Variants in GALNTL6 observed in about 807,000 individuals in gnomAD.
The protein encoded by GALNTL6 is polypeptide N-acetylgalactosaminyltransferase like 6, also known as polypeptide N-acetylgalactosaminyltransferase-like 6.
GALNTL6 carries 46 observed loss-of-function variants against 73.7 expected under a neutral mutation model. The ratio of observed to expected loss-of-function variants is 0.62; its 90% CI spans 0.49 to 0.80. GALNTL6 has a LOEUF of 0.80. Ranked by LOEUF, GALNTL6 falls within the 30% of genes least tolerant of loss-of-function variation. The pLI, the probability that GALNTL6 is intolerant of heterozygous loss-of-function variation, is 0.00. For missense variants in GALNTL6, 604 were observed against 755.0 expected (o/e 0.80, Z 2.34); for synonymous variants, 259 against 263.7 (o/e 0.98, Z 0.17).
intron 5 of GALNTL6, among the ~76,000 whole-genome samples, chr4:172,626,554 A>G (rs754548903): frequency 2.0e-5 from 3 of 152,058 alleles, no homozygotes; most frequent in Non-Finnish European, 2.9e-5. Flanking sequence ...GAAAAATTGC[A>G]TTAGTAGTTT....
intron 5 of GALNTL6, among the ~76,000 whole-genome samples, chr4:172,693,901 TC>T (rs1173365073): frequency 6.6e-6 from 1 of 152,218 alleles, no homozygotes. Flanking sequence ...TACTTTTTAT[TC>T]AGTTATAATG....
chr4:171,893,697 A>G (rs1736823977), intron 2 of GALNTL6, among the ~76,000 whole-genome samples: 1 of 152,222 alleles, frequency 6.6e-6, no homozygotes, highest in South Asian at 2.1e-4. Context: ...AAAATATTTA[A>G]GAACTCGTAA....
intron 5 of GALNTL6, among the ~76,000 whole-genome samples, chr4:172,728,103 G>A (rs1735932071): frequency 6.6e-6 from 1 of 152,062 alleles, no homozygotes; most frequent in African/African-American, 2.4e-5. Flanking sequence ...TAGTAGAGAT[G>A]GGGTTTCACT....
At chr4:172,348,102 G>A (rs1741812788) in intron 4 of GALNTL6, among the ~76,000 whole-genome samples, 1 of 152,090 alleles carries the variant, frequency 6.6e-6, no homozygotes, top group Non-Finnish European at 1.5e-5. Context: ...GACTAAAACT[G>A]ACTAATTAAA....
chr4:172,804,720 T>C (rs1297073154), intron 5 of GALNTL6, among the ~76,000 whole-genome samples: 2 of 152,218 alleles, frequency 1.3e-5, no homozygotes, highest in Admixed American at 6.5e-5. Context: ...GACTGCATTT[T>C]TCTGACATAA....
chr4:172,872,155 AC>A (rs1157951800), intron 7 of GALNTL6, among the ~76,000 whole-genome samples: 14 of 152,150 alleles, frequency 9.2e-5, no homozygotes, highest in African/African-American at 3.4e-4. Context: ...TGCTATAACA[AC>A]ACTGATTTTT....
intron 5 of GALNTL6, among the ~76,000 whole-genome samples, chr4:172,418,023 A>G (rs186106704): frequency 1.3e-5 from 2 of 152,158 alleles, no homozygotes; most frequent in Non-Finnish European, 2.9e-5. Context: ...ACTAAGCGTC[A>G]TTAATCCTTC....
intron 5 of GALNTL6, among the ~76,000 whole-genome samples, chr4:172,374,048 G>C (rs1430429322): frequency 6.6e-6 from 1 of 152,216 alleles, no homozygotes; most frequent in African/African-American, 2.4e-5. Context: ...TTCTGATCCA[G>C]AGAATCTTCG....
chr4:171,842,883 T>G (rs891929515), intron 2 of GALNTL6, among the ~76,000 whole-genome samples: 1 of 152,100 alleles, frequency 6.6e-6, no homozygotes, highest in African/African-American at 2.4e-5. Context: ...ACTTTCAATT[T>G]ATTTTCCACT....
intron 6 of GALNTL6, among the ~76,000 whole-genome samples, chr4:172,811,452 C>G (rs141903550): frequency 6.6e-6 from 1 of 152,106 alleles, no homozygotes; most frequent in Admixed American, 6.5e-5. Flanking sequence ...TCACTGAAAC[C>G]TTAATACTAA....
chr4:172,196,009 T>TG (rs971033013), intron 2 of GALNTL6, among the ~76,000 whole-genome samples: 2 of 129,484 alleles, frequency 1.5e-5, no homozygotes, highest in Non-Finnish European at 3.4e-5. Context: ...GAGCTGGGTT[T>TG]TTTTTTTTTT....
At chr4:172,298,660 G>T (rs941103731) in intron 3 of GALNTL6, among the ~76,000 whole-genome samples, 5 of 152,098 alleles carry the variant, frequency 3.3e-5, no homozygotes, top group African/African-American at 9.7e-5. Flanking sequence ...TTTATATGCT[G>T]GATTGCATTT....
At chr4:171,953,877 C>T (rs1738964269) in intron 2 of GALNTL6, among the ~76,000 whole-genome samples, 1 of 151,780 alleles carries the variant, frequency 6.6e-6, no homozygotes. Flanking sequence ...AGAAGAATAC[C>T]TCATTAACAA....
At chr4:171,843,841 T>C (rs571053125) in intron 2 of GALNTL6, among the ~76,000 whole-genome samples, 1 of 152,312 alleles carries the variant, frequency 6.6e-6, no homozygotes, top group African/African-American at 2.4e-5. Flanking sequence ...TATTTGACAA[T>C]CAATAGTGTA....
At chr4:172,638,203 A>G (rs1262566584) in intron 5 of GALNTL6, among the ~76,000 whole-genome samples, 1 of 152,150 alleles carries the variant, frequency 6.6e-6, no homozygotes, top group Non-Finnish European at 1.5e-5. Flanking sequence ...ACTTTGTAAG[A>G]TCTCAAAAAT....
rs183305329 is a variant in GALNTL6 at position 172,701,669 on chromosome 4, A to G, written c.554-107692A>G. Among the ~76,000 whole-genome samples the G allele has an allele frequency of 5.7e-3, 872 of 152,194 alleles. 17 individuals carry two copies. Among genetic ancestry groups the G allele is most frequent in the Non-Finnish European group, 2.3e-3 (155 of 67,974 alleles). On this transcript the variant is annotated intron_variant, in intron 5 of 12. Transcript: ENST00000506823. Reference sequence around the variant, plus strand: ...TCAAGAAATGGAGGTTCCACGAAAGAAAACTATTGCCAGGTCTCTTTCTCA... The same window carrying G: ...TCAAGAAATGGAGGTTCCACGAAAGGAAACTATTGCCAGGTCTCTTTCTCA...
At chr4:171,832,117 A>G (rs986648713) in intron 2 of GALNTL6, among the ~76,000 whole-genome samples, 3 of 151,356 alleles carry the variant, frequency 2.0e-5, no homozygotes, top group African/African-American at 7.3e-5. Context: ...GATATTTTCC[A>G]TGGAAATTGG....
intron 2 of GALNTL6, among the ~76,000 whole-genome samples, chr4:171,915,788 T>C (rs6854571): frequency 0.036 from 5,445 of 152,206 alleles, 288 homozygotes; most frequent in African/African-American, 0.12. Flanking sequence ...GAAAGCCTCA[T>C]TTATCACAGA....
At chr4:172,284,181 A>T (rs778644038) in intron 3 of GALNTL6, among the ~76,000 whole-genome samples, 1 of 152,212 alleles carries the variant, frequency 6.6e-6, no homozygotes, top group Non-Finnish European at 1.5e-5. Context: ...TAGAAAAAAA[A>T]TAGGCTAAGA....
Sources: gnomAD v4.1 joint callset for allele counts (sites outside exome capture counted in the v4.1 genomes callset) on GRCh38, gnomAD v4.1.1 for gene constraint, MANE v1.5 for transcripts, NCBI Gene and HGNC (gene_info 2026-07-23, HGNC 2026-07-21) for gene names.